The following PAK5 variants were observed in gnomAD, a reference collection of about 807,000 sequenced individuals.
The protein encoded by PAK5 is p21 (RAC1) activated kinase 5, also known as serine/threonine-protein kinase PAK 5.
In PAK5, 16 loss-of-function variants were observed where a neutral mutation model predicts 65.9. The ratio of observed to expected loss-of-function variants is 0.24; its 90% CI spans 0.16 to 0.37. The LOEUF is 0.37. Ranked by LOEUF, PAK5 falls within the 10% of genes least tolerant of loss-of-function variation. The probability of loss-of-function intolerance (pLI) is 1.00; values close to 1 mark genes in which losing one functional copy is unlikely to be tolerated. For missense variants in PAK5, 785 were observed against 903.9 expected, an observed-to-expected ratio of 0.87 and a Z score of 1.69; for synonymous variants, 371 against 354.9, an observed-to-expected ratio of 1.05 and a Z score of -0.51.
chr20:9,816,548 G>A (rs1203798915), intron 1 of PAK5, among the ~76,000 whole-genome samples: 2 of 152,140 alleles, frequency 1.3e-5, no homozygotes, highest in East Asian at 3.9e-4. Context: ...GGCAGAGGAA[G>A]GTTGAATCTG....
At chr20:9,711,016 C>T (rs1362978099) in intron 2 of PAK5, among the ~76,000 whole-genome samples, 3 of 152,158 alleles carry the variant, frequency 2.0e-5, no homozygotes, top group African/African-American at 4.8e-5. Context: ...TCCCTTATCT[C>T]GTTAACCTGC....
chr20:9,668,082 T>C (rs2123357070), intron 2 of PAK5, among the ~76,000 whole-genome samples: 1 of 152,242 alleles, frequency 6.6e-6, no homozygotes, highest in Admixed American at 6.5e-5. Context: ...ACTATTTTCC[T>C]TAAGAATTGC....
At chr20:9,655,712 C>T (rs530588329) in intron 2 of PAK5, among the ~76,000 whole-genome samples, 26 of 152,268 alleles carry the variant, frequency 1.7e-4, no homozygotes, top group African/African-American at 5.3e-4. Flanking sequence ...GGAGGGAAGG[C>T]ATATGTATTA....
At chr20:9,800,131 C>T (rs924553919) in intron 1 of PAK5, among the ~76,000 whole-genome samples, 1 of 151,994 alleles carries the variant, frequency 6.6e-6, no homozygotes, top group Non-Finnish European at 1.5e-5. Context: ...CTTCGCTAAT[C>T]CTTTAGGCTT....
At position 9,538,175 on chromosome 20, in the gene PAK5, A is replaced by G. The variant is rs569849476; in HGVS notation, c.*1287T>C. ...CAACACAAAATGTATTGTAGTAGTCATTCATTTTTATCAACATTCAAGAAG... is the reference window on the plus strand; with the variant it reads ...CAACACAAAATGTATTGTAGTAGTCGTTCATTTTTATCAACATTCAAGAAG... On this transcript the variant is annotated 3_prime_UTR_variant, in exon 10 of 10. Coordinates refer to ENST00000353224, the MANE Select transcript of PAK5 (RefSeq NM_177990.4). 1.3e-5 allele frequency: 3 copies of G among 233,532 alleles called. No individual in the cohort carries two copies. In the East Asian group the frequency reaches 1.8e-4, roughly 14 times the overall value. 14.5% of individuals were successfully genotyped at this position (233,532 alleles called of 1,614,324 possible).
chr20:9,780,679 T>A (rs1395060321), intron 1 of PAK5, among the ~76,000 whole-genome samples: 1 of 152,108 alleles, frequency 6.6e-6, no homozygotes, highest in African/African-American at 2.4e-5. Flanking sequence ...CATTTTCTCA[T>A]ATAGTACACA....
chr20:9,759,023 AG>A (rs1329419569), intron 1 of PAK5, among the ~76,000 whole-genome samples: 4 of 152,164 alleles, frequency 2.6e-5, no homozygotes, highest in African/African-American at 9.7e-5. Context: ...CAGTCCCTGG[AG>A]GAATTATGCA....
At chr20:9,825,374 T>C (rs896973743) in intron 1 of PAK5, among the ~76,000 whole-genome samples, 1 of 152,304 alleles carries the variant, frequency 6.6e-6, no homozygotes, top group Non-Finnish European at 1.5e-5. Flanking sequence ...GTGATTCCAA[T>C]ATTGATTTTG....
chr20:9,676,646 G>A (rs920379352), intron 2 of PAK5, among the ~76,000 whole-genome samples: 3 of 152,116 alleles, frequency 2.0e-5, no homozygotes, highest in African/African-American at 7.2e-5. Flanking sequence ...TTCTCAATAT[G>A]AAAATAAAGG....
intron 1 of PAK5, among the ~76,000 whole-genome samples, chr20:9,779,728 T>C (rs1273603525): frequency 6.6e-6 from 1 of 152,018 alleles, no homozygotes; most frequent in African/African-American, 2.4e-5. Context: ...CTTAGAACTA[T>C]TATTACAACT....
chr20:9,775,496 C>G (rs563000167), intron 1 of PAK5, among the ~76,000 whole-genome samples: 37 of 152,156 alleles, frequency 2.4e-4, no homozygotes, highest in Non-Finnish European at 4.7e-4. Flanking sequence ...ACAGATGAGC[C>G]TTGTGACTTT....
chr20:9,624,797 C>T (rs1212561085), intron 3 of PAK5, among the ~76,000 whole-genome samples: 2 of 152,126 alleles, frequency 1.3e-5, no homozygotes, highest in East Asian at 1.9e-4. Flanking sequence ...AAGGATAATA[C>T]CTACCTCACA....
At chr20:9,766,695 G>T (rs1168191803) in intron 1 of PAK5, among the ~76,000 whole-genome samples, 3 of 151,196 alleles carry the variant, frequency 2.0e-5, no homozygotes, top group Non-Finnish European at 2.9e-5. Flanking sequence ...AAGTTCAAAA[G>T]GTTAAAATAG....
At chr20:9,656,201 C>G (rs543014056) in intron 2 of PAK5, among the ~76,000 whole-genome samples, 17 of 152,156 alleles carry the variant, frequency 1.1e-4, no homozygotes, top group South Asian at 4.2e-4. Flanking sequence ...AGCCGTAAGC[C>G]CCTTAATTTC....
At chr20:9,620,487 T>G (rs1162848044) in intron 3 of PAK5, among the ~76,000 whole-genome samples, 3 of 152,188 alleles carry the variant, frequency 2.0e-5, no homozygotes, top group Non-Finnish European at 4.4e-5. Context: ...TGATGGGCAG[T>G]TGGACCAGCA....
chr20:9,641,083 T>C (rs2047052764), intron 3 of PAK5, among the ~76,000 whole-genome samples: 1 of 152,088 alleles, frequency 6.6e-6, no homozygotes, highest in South Asian at 2.1e-4. Flanking sequence ...TGCTGATTGG[T>C]GCGTTTACAA....
chr20:9,693,404 TTC>T (rs1183293430), intron 2 of PAK5, among the ~76,000 whole-genome samples: 3 of 151,952 alleles, frequency 2.0e-5, no homozygotes, highest in South Asian at 4.2e-4. Context: ...TCTGCTTCCA[TTC>T]TCTCTCTCTT....
intron 1 of PAK5, among the ~76,000 whole-genome samples, chr20:9,833,687 G>A (rs1978920714): frequency 6.6e-6 from 1 of 152,102 alleles, no homozygotes; most frequent in African/African-American, 2.4e-5. Flanking sequence ...GAATCATTTT[G>A]TAAGGTTCTC....
intron 2 of PAK5, among the ~76,000 whole-genome samples, chr20:9,703,296 TG>T: frequency 6.6e-6 from 1 of 152,298 alleles, no homozygotes; most frequent in East Asian, 1.9e-4. Context: ...AGCATTATGT[TG>T]TATGGTGAAT....
Sources: allele counts gnomAD v4.1 joint callset (sites outside exome capture counted in the v4.1 genomes callset), GRCh38; gene constraint gnomAD v4.1.1; transcripts MANE v1.5; gene names NCBI Gene and HGNC (gene_info 2026-07-23, HGNC 2026-07-21).